The following ZNF766 variants were observed in gnomAD, a reference collection of about 807,000 sequenced individuals.
ZNF766 encodes the protein zinc finger protein 766.
A neutral mutation model predicts 13.2 loss-of-function variants in ZNF766; 13 were observed. The ratio of observed to expected loss-of-function variants is 0.98; its 90% confidence interval spans 0.64 to 1.56. ZNF766 has a LOEUF of 1.56. Among genes scored for constraint, ZNF766 ranks in the 40% most tolerant of loss-of-function variants. ZNF766 has a pLI of 0.00. For synonymous variants in ZNF766, 178 were observed against 187.6 expected, an observed-to-expected ratio of 0.95 and a Z score of 0.42; for missense variants, 521 against 552.2, an observed-to-expected ratio of 0.94 and a Z score of 0.57.
Position 52,290,924 on chromosome 19 carries a change from A to G in ZNF766, c.1133A>G (p.Asn378Ser). The G allele has an allele frequency of 1.2e-6, 2 of 1,614,028 alleles. No homozygotes were observed. The highest frequency in any genetic ancestry group is 1.7e-6 in the Non-Finnish European group (2 of 1,179,972). ...FSLTVHQRNH[N>S]GEKPYKCHEC... ...CTGACAGTTCATCAGAGAAATCATA[A>G]TGGAGAGAAACCTTATAAATGTCAT... The change falls in exon 4 of 4, where the codon AAT becomes AGT. Residue 378 changes from asparagine (N) to serine (S), a missense_variant. Asn to Ser is a conservative substitution (Grantham distance 46). Transcript: ENST00000439461.
rs534531611 is a variant in ZNF766 at position 52,294,192 on chromosome 19, C to A, written c.*2994C>A. ...AATATTGTAACAATCTTGCTGTTGA[C>A]CTCGTAGCGCTCAGTGACATAATTT... On this transcript the variant is annotated 3_prime_UTR_variant, in exon 4 of 4. Transcript: ENST00000439461. The A allele has an allele frequency of 6.6e-6, 1 of 152,226 alleles. No individual in the cohort carries two copies. Among genetic ancestry groups the A allele is most frequent in the Admixed American group, 6.5e-5 (1 of 15,292 alleles). 9.4% of individuals were successfully genotyped at this position (152,226 alleles called of 1,614,324 possible).
rs1251057276 is a variant in ZNF766, at chr19:52,293,861, G to A, written c.*2663G>A. On this transcript the variant is annotated 3_prime_UTR_variant, in exon 4 of 4. Transcript: ENST00000439461. ...GCTGGTCTCGAACTCCTGACCTCAG[G>A]TGATCTGCCCACCTCGGCCTCCCAA... The A allele has an allele frequency of 6.6e-6, 1 of 152,236 alleles. No homozygotes were observed. Among genetic ancestry groups the A allele is most frequent in the Non-Finnish European group, 1.5e-5 (1 of 68,152 alleles). 9.4% of individuals were successfully genotyped at this position (152,236 alleles called of 1,614,324 possible).
At chr19:52,276,789 C>A (rs1004840530) in intron 1 of ZNF766, among the ~76,000 whole-genome samples, 4 of 152,148 alleles carry the variant, frequency 2.6e-5, no homozygotes, top group Admixed American at 1.3e-4. Flanking sequence ...GCACCGAAGC[C>A]GTGTTCTCAT....
In ZNF766 at chr19:52,294,796, C is replaced by T. The variant is rs1172121027; in HGVS notation, c.*3598C>T. On this transcript the variant is annotated 3_prime_UTR_variant, in exon 4 of 4. Transcript: ENST00000439461. ...ACTCTGATTTTCTTCATGATAATAT[C>T]TTACGTTCCTTTTATAGTTACAGAT... The T allele has an allele frequency of 7.0e-6, 1 of 142,576 alleles. No individual in the cohort carries two copies. The highest frequency in any genetic ancestry group is 1.6e-5 in the Non-Finnish European group (1 of 63,942). The allele number at this position is 142,576 out of a possible 1,614,324, so 8.8% of individuals were successfully genotyped here.
At chr19:52,277,535 TAC>T (rs750932579) in intron 1 of ZNF766, 2 of 1,574,312 alleles carry the variant, frequency 1.3e-6, no homozygotes, top group Admixed American at 3.6e-5. Flanking sequence ...GCATGCCACT[TAC>T]TCAGGTAAAG....
Position 52,290,528 on chromosome 19 carries a change from A to G in ZNF766, c.737A>G (p.Lys246Arg), listed in dbSNP as rs375598507. 3.7e-6 allele frequency: 6 copies of G among 1,614,110 alleles called. No homozygotes were observed. Among genetic ancestry groups the G allele is most frequent in the Non-Finnish European group, 5.1e-6 (6 of 1,180,038 alleles). Residue 246 changes from lysine to arginine, a missense_variant, in exon 4 of 4, where the codon AAA becomes AGA. Physicochemically the swap from Lys to Arg is conservative, Grantham distance 26. Coordinates refer to ENST00000439461, the MANE Select transcript of ZNF766 (RefSeq NM_001010851.3). ...IRTGEKPYKC[K>R]ECGKLFNRIA... ...ACAGGAGAGAAACCTTACAAATGTA[A>G]AGAGTGTGGCAAGCTCTTCAATCGA...
Position 52,277,188 on chromosome 19 carries a change from G to C in ZNF766, c.19-4923G>C, listed in dbSNP as rs191543536. On this transcript the variant is annotated intron_variant, in intron 1 of 3. Coordinates refer to ENST00000439461, the MANE Select transcript of ZNF766 (RefSeq NM_001010851.3). ...CTAAAGAGTCATGTTGGCCGGGCGC[G>C]GGGGCTCATACCTGTAATCCCGGCA... 158 of 1,156,094 alleles carry C rather than the reference G, an allele frequency of 1.4e-4. 1 individual carries two copies. Among genetic ancestry groups the C allele is most frequent in the Non-Finnish European group, 1.6e-4 (148 of 932,586 alleles). 71.6% of individuals were successfully genotyped at this position (1,156,094 alleles called of 1,614,324 possible).
At position 52,283,153 on chromosome 19, in the gene ZNF766, GCTGA is replaced by G. The variant is rs1230855198; in HGVS notation, c.146-129_146-126del. On this transcript the variant is annotated intron_variant, in intron 2 of 3. Transcript: ENST00000439461. ...ACAGTGTCTCCAGCATCTGTTGCTT[GCTGA>G]CTTTTTCATGATCGCCATTCTAACT... 42 of 1,094,674 alleles carry G rather than the reference GCTGA, an allele frequency of 3.8e-5. 1 individual carries two copies. Among genetic ancestry groups the G allele is most frequent in the Non-Finnish European group, 1.3e-5 (10 of 791,844 alleles). The allele number at this position is 1,094,674 out of a possible 1,614,324, so 67.8% of individuals were successfully genotyped here.
At chr19:52,280,788 G>A (rs760604649) in intron 1 of ZNF766, among the ~76,000 whole-genome samples, 1 of 151,598 alleles carries the variant, frequency 6.6e-6, no homozygotes, top group Non-Finnish European at 1.5e-5. Flanking sequence ...CACCATGTTG[G>A]CCAGGATGGT....
intron 1 of ZNF766, among the ~76,000 whole-genome samples, chr19:52,279,454 G>C (rs1047723401): frequency 6.6e-6 from 1 of 152,286 alleles, no homozygotes; most frequent in South Asian, 2.1e-4. Flanking sequence ...TCTTTGGGCA[G>C]TATGGTCATT....
intron 1 of ZNF766, among the ~76,000 whole-genome samples, chr19:52,279,702 A>G (rs1443856301): frequency 6.6e-6 from 1 of 151,510 alleles, no homozygotes; most frequent in Non-Finnish European, 1.5e-5. Context: ...CATAAATTTT[A>G]AAACATATTA....
chr19:52,291,235 A>G lies in ZNF766; in HGVS notation c.*37A>G. ...TCTATCATAAGTTCTAGCAGTAATC[A>G]ACATCCGAGAGTCTATACTAGAAAG... On this transcript the variant is annotated 3_prime_UTR_variant, in exon 4 of 4. Coordinates refer to ENST00000439461, the MANE Select transcript of ZNF766 (RefSeq NM_001010851.3). 2.0e-6 allele frequency: 3 copies of G among 1,521,832 alleles called. No homozygotes were observed. The South Asian group carries it at 4.0e-5, about 20-fold the overall frequency. 94.3% of individuals were successfully genotyped at this position (1,521,832 alleles called of 1,614,324 possible).
Position 52,291,924 on chromosome 19 carries a change from T to C in ZNF766, c.*726T>C, listed in dbSNP as rs1482212077. 2.0e-6 allele frequency: 1 copy of C among 509,492 alleles called. No individual in the cohort carries two copies. The highest frequency in any genetic ancestry group is 1.9e-5 in the African/African-American group (1 of 51,556). 31.6% of individuals were successfully genotyped at this position (509,492 alleles called of 1,614,324 possible). ...GCCCATCCCTACAAAATAAAAAAAATAAGCCAGGCCCTTGGCATGTGTCTG... is the reference window on the plus strand; with the variant it reads ...GCCCATCCCTACAAAATAAAAAAAACAAGCCAGGCCCTTGGCATGTGTCTG... On this transcript the variant is annotated 3_prime_UTR_variant, in exon 4 of 4. Transcript: ENST00000439461.
rs1312004211 is a variant in ZNF766 at position 52,286,318 on chromosome 19, C to CT, written c.274+2908dup. 1.4e-3 allele frequency among the ~76,000 whole-genome samples: 194 copies of CT among 141,234 alleles called. 3 individuals carry two copies. The highest frequency in any genetic ancestry group is 3.4e-3 in the African/African-American group (121 of 35,958). The allele number at this position is 141,234 out of a possible 152,430, so 92.7% of individuals were successfully genotyped here. The stretch of plus-strand genomic sequence containing the variant: ...TATTCCTAGTGTGTTGAGTGTTTTT[C>CT]TTTCTTTTTTTTTTTTTTCTTTTGG... On this transcript the variant is annotated intron_variant, in intron 3 of 3. Coordinates refer to ENST00000439461, the MANE Select transcript of ZNF766 (RefSeq NM_001010851.3).
chr19:52,282,966 A>G (rs1981605804), intron 2 of ZNF766, among the ~76,000 whole-genome samples: 1 of 152,170 alleles, frequency 6.6e-6, no homozygotes, highest in South Asian at 2.1e-4. Context: ...ATTTATTTAT[A>G]GTAGAATGAC....
In ZNF766 at chr19:52,283,391, A is replaced by T; in HGVS notation, c.252A>T (p.Glu84Asp). ...MKVAKNPDRWEGIKDINTGRS... is the reference protein window; with the variant it reads ...MKVAKNPDRWDGIKDINTGRS... The stretch of plus-strand genomic sequence containing the variant: ...TAGCAAAAAATCCAGATAGGTGGGA[A>T]GGTATCAAAGATATCAACACAGGTA... The change falls in exon 3 of 4, where the codon GAA (glutamate) becomes GAT (aspartate). Residue 84 changes from glutamate (E) to aspartate (D), a missense_variant. Physicochemically the swap from Glu to Asp is conservative, Grantham distance 45. Transcript: ENST00000439461. 6.2e-7 allele frequency: 1 copy of T among 1,604,212 alleles called. No individual in the cohort carries two copies. The highest frequency in any genetic ancestry group is 1.1e-5 in the South Asian group (1 of 90,160).
At chr19:52,272,852 C>G (rs1468146240) in intron 1 of ZNF766, among the ~76,000 whole-genome samples, 1 of 152,138 alleles carries the variant, frequency 6.6e-6, no homozygotes, top group Non-Finnish European at 1.5e-5. Context: ...GGACATCTAA[C>G]AGGCATCTCC....
intron 3 of ZNF766, among the ~76,000 whole-genome samples, chr19:52,284,360 A>G (rs1236014435): frequency 2.6e-5 from 4 of 152,054 alleles, no homozygotes; most frequent in Admixed American, 2.6e-4. Flanking sequence ...CCTGATGGGG[A>G]GATGGGAAAA....
chr19:52,276,894 G>A (rs954283195), intron 1 of ZNF766, among the ~76,000 whole-genome samples: 3 of 152,168 alleles, frequency 2.0e-5, no homozygotes, highest in Admixed American at 1.3e-4. Context: ...GTGCCCTGAA[G>A]GGGAGCTTAG....
Sources: allele counts gnomAD v4.1 joint callset (sites outside exome capture counted in the v4.1 genomes callset), GRCh38; gene constraint gnomAD v4.1.1; transcripts MANE v1.5; gene names NCBI Gene and HGNC (gene_info 2026-07-23, HGNC 2026-07-21).